Variants in ANO6 observed in about 807,000 individuals in gnomAD.
The protein encoded by ANO6 is anoctamin 6.
A neutral mutation model predicts 117.5 loss-of-function variants in ANO6; 106 were observed. The ratio of observed to expected loss-of-function variants is 0.90; its 90% CI spans 0.77 to 1.06. The LOEUF is 1.06. ANO6 is among the 50% of genes least tolerant of loss of function. The pLI is 0.00. For synonymous variants in ANO6, 367 were observed against 385.1 expected (o/e 0.95, Z 0.55); for missense variants, 955 against 1,121.1 (o/e 0.85, Z 2.12).
At chr12:45,308,064 T>TTTTTTTTC (rs1939731860) in intron 2 of ANO6, among the ~76,000 whole-genome samples, 1 of 133,922 alleles carries the variant, frequency 7.5e-6, no homozygotes, top group East Asian at 2.2e-4. Flanking sequence ...TTTTTTTTTT[T>TTTTTTTTC]TTTTTTTTGC....
intron 1 of ANO6, among the ~76,000 whole-genome samples, chr12:45,279,126 G>A (rs907985553): frequency 3.9e-5 from 6 of 152,122 alleles, no homozygotes; most frequent in African/African-American, 1.4e-4. Flanking sequence ...TCCTAGGTAG[G>A]GTGGGGTTGG....
At chr12:45,281,817 T>TC (rs1938746606) in intron 1 of ANO6, among the ~76,000 whole-genome samples, 1 of 152,230 alleles carries the variant, frequency 6.6e-6, no homozygotes, top group Non-Finnish European at 1.5e-5. Context: ...ATTAAAGTAT[T>TC]TAAAGCAGAA....
At chr12:45,353,760 C>G (rs2137464055) in intron 7 of ANO6, among the ~76,000 whole-genome samples, 1 of 152,284 alleles carries the variant, frequency 6.6e-6, no homozygotes, top group East Asian at 1.9e-4. Flanking sequence ...CCTCCAAACT[C>G]CCGTTTTTAC....
chr12:45,386,539 C>T (rs1221038058), intron 10 of ANO6, among the ~76,000 whole-genome samples: 1 of 152,122 alleles, frequency 6.6e-6, no homozygotes, highest in South Asian at 2.1e-4. Flanking sequence ...TCTGCCTTCT[C>T]AACGTCCCTC....
At chr12:45,313,877 G>A (rs1256544018) in intron 2 of ANO6, among the ~76,000 whole-genome samples, 1 of 151,992 alleles carries the variant, frequency 6.6e-6, no homozygotes, top group African/African-American at 2.4e-5. Context: ...GCGACTATTA[G>A]CTTCACTAAA....
At chr12:45,228,010 AG>A (rs1035076789) in intron 1 of ANO6, among the ~76,000 whole-genome samples, 2 of 152,140 alleles carry the variant, frequency 1.3e-5, no homozygotes, top group Non-Finnish European at 2.9e-5. Context: ...TCTTAGCAAA[AG>A]ATCCTAGGGG....
intron 1 of ANO6, among the ~76,000 whole-genome samples, chr12:45,280,641 A>T (rs1205896287): frequency 6.6e-6 from 1 of 152,146 alleles, no homozygotes; most frequent in Non-Finnish European, 1.5e-5. Flanking sequence ...ATGGAAACTG[A>T]TCCTGGCACA....
intron 9 of ANO6, among the ~76,000 whole-genome samples, chr12:45,370,026 A>ATCT (rs1184302365): frequency 6.6e-6 from 1 of 152,216 alleles, no homozygotes; most frequent in African/African-American, 2.4e-5. Flanking sequence ...GCTTAAAATC[A>ATCT]TCTTGCCTAC....
chr12:45,321,504 A>G (rs7136281), intron 2 of ANO6, among the ~76,000 whole-genome samples: 137,175 of 152,146 alleles, frequency 0.9, 62,905 homozygotes, highest in Non-Finnish European at 0.99. Flanking sequence ...CAGTCTCAAC[A>G]GAAAAGTCAT....
intron 2 of ANO6, among the ~76,000 whole-genome samples, chr12:45,311,073 G>A (rs1042653541): frequency 6.6e-6 from 1 of 151,992 alleles, no homozygotes; most frequent in Non-Finnish European, 1.5e-5. Flanking sequence ...GACATTTTTG[G>A]TGTTTTGATT....
intron 1 of ANO6, among the ~76,000 whole-genome samples, chr12:45,226,116 C>G (rs988017512): frequency 6.6e-6 from 1 of 152,116 alleles, no homozygotes; most frequent in Non-Finnish European, 1.5e-5. Context: ...ATATTTTGGA[C>G]ATGGACCAAA....
intron 3 of ANO6, among the ~76,000 whole-genome samples, chr12:45,344,118 A>G (rs1002715765): frequency 2.0e-5 from 3 of 152,216 alleles, no homozygotes; most frequent in Non-Finnish European, 4.4e-5. Context: ...GCCAGAAAGC[A>G]CATGAATAAA....
chr12:45,321,408 G>A (rs1406873685), intron 2 of ANO6, among the ~76,000 whole-genome samples: 3 of 151,962 alleles, frequency 2.0e-5, no homozygotes, highest in Non-Finnish European at 4.4e-5. Context: ...GGAAGGTATC[G>A]ATTCACTAAG....
chr12:45,367,136 C>A (rs1354708649), intron 8 of ANO6, among the ~76,000 whole-genome samples: 1 of 152,164 alleles, frequency 6.6e-6, no homozygotes, highest in African/African-American at 2.4e-5. Context: ...CACGCACCAC[C>A]ATGCTCTGCT....
At chr12:45,252,798 A>G (rs1018965282) in intron 1 of ANO6, among the ~76,000 whole-genome samples, 1 of 152,340 alleles carries the variant, frequency 6.6e-6, no homozygotes, top group East Asian at 1.9e-4. Flanking sequence ...TTTGTATATA[A>G]TGGTTTTGGT....
chr12:45,217,508 A>G (rs1947334319), intron 1 of ANO6, among the ~76,000 whole-genome samples: 1 of 152,262 alleles, frequency 6.6e-6, no homozygotes. Context: ...CAAATCGAAT[A>G]GAGGAGATTA....
At chr12:45,439,467 G>A (rs900832237) in intron 19 of ANO6, among the ~76,000 whole-genome samples, 7 of 152,264 alleles carry the variant, frequency 4.6e-5, no homozygotes, top group African/African-American at 7.2e-5. Context: ...AGGCTATCAT[G>A]ATATTGATGC....
intron 1 of ANO6, among the ~76,000 whole-genome samples, chr12:45,262,708 G>T (rs965403736): frequency 6.6e-6 from 1 of 152,184 alleles, no homozygotes. Context: ...ACAGGCGTGA[G>T]CCACTGCGCC....
chr12:45,430,943 A>G lies in ANO6; in HGVS notation c.*1632A>G, dbSNP rs972400168. On this transcript the variant is annotated 3_prime_UTR_variant, in exon 20 of 20. Transcript: ENST00000320560. Reference sequence around the variant, plus strand: ...TGTTAAACACCAGAGGAGCCAACCTATCAGAATCCCAGCAGCAAAGGAAAA... The same window carrying G: ...TGTTAAACACCAGAGGAGCCAACCTGTCAGAATCCCAGCAGCAAAGGAAAA... The G allele has an allele frequency of 2.6e-5, 26 of 985,272 alleles. No homozygotes were observed. Among genetic ancestry groups the G allele is most frequent in the Non-Finnish European group, 3.0e-5 (25 of 829,938 alleles). 61.0% of individuals were successfully genotyped at this position (985,272 alleles called of 1,614,324 possible). A position where few individuals can be genotyped will look rare whatever the true frequency, so the allele number is the denominator to read the frequency against.
Sources: allele counts gnomAD v4.1 joint callset (sites outside exome capture counted in the v4.1 genomes callset), GRCh38; gene constraint gnomAD v4.1.1; transcripts MANE v1.5; gene names NCBI Gene and HGNC (gene_info 2026-07-23, HGNC 2026-07-21).